The following ABCD3 variants were observed in gnomAD, a reference collection of about 807,000 sequenced individuals.
ABCD3 encodes the protein ATP-binding cassette sub-family D member 3.
Under a neutral mutation model 105.5 loss-of-function variants are expected in ABCD3, and 41 were observed. The ratio of observed to expected loss-of-function variants is 0.39; its 90% CI spans 0.30 to 0.50. ABCD3 has a LOEUF of 0.50. Among genes scored for constraint, ABCD3 ranks in the 20% least tolerant of loss-of-function variants. The probability of loss-of-function intolerance (pLI) is 0.84; values close to 1 mark genes in which losing one functional copy is unlikely to be tolerated. For missense variants in ABCD3, 622 were observed against 806.3 expected, an observed-to-expected ratio of 0.77 and a Z score of 2.77; for synonymous variants, 258 against 269.0, an observed-to-expected ratio of 0.96 and a Z score of 0.40.
At chr1:94,452,566 A>G (rs1647305583) in intron 1 of ABCD3, among the ~76,000 whole-genome samples, 1 of 152,230 alleles carries the variant, frequency 6.6e-6, no homozygotes, top group Non-Finnish European at 1.5e-5. Flanking sequence ...CATTATGTAC[A>G]TATTTATTTT....
chr1:94,414,983 G>A (rs563538503), upstream of ABCD3, among the ~76,000 whole-genome samples: 88 of 152,278 alleles, frequency 5.8e-4, no homozygotes, highest in African/African-American at 2.0e-3. Context: ...TGAGGATGGA[G>A]GATCTGCTTC....
Position 94,471,680 on chromosome 1 carries a change from C to T in ABCD3, c.336-2086C>T, listed in dbSNP as rs75080410. Among the ~76,000 whole-genome samples, 1,226 of 152,190 alleles carry T rather than the reference C, an allele frequency of 8.1e-3. 13 individuals are homozygous for T. The highest frequency in any genetic ancestry group is 0.028 in the African/African-American group (1,174 of 41,534). Reference sequence around the variant, plus strand: ...TCAAAAAAAGTTTTAAAATATTGTACATTCGTACAGGATAATTTTATTTGA... The same window carrying T: ...TCAAAAAAAGTTTTAAAATATTGTATATTCGTACAGGATAATTTTATTTGA... On this transcript the variant is annotated intron_variant, in intron 4 of 22. Transcript: ENST00000370214.
At chr1:94,455,855 G>T in intron 1 of ABCD3, 1 of 1,252,510 alleles carries the variant, frequency 8.0e-7, no homozygotes, top group African/African-American at 1.6e-5. Flanking sequence ...GCATCGTACT[G>T]CATGAATCTC....
chr1:94,425,819 G>C (rs1344601936), intron 1 of ABCD3, among the ~76,000 whole-genome samples: 1 of 152,122 alleles, frequency 6.6e-6, no homozygotes, highest in African/African-American at 2.4e-5. Context: ...GCAGCTACTT[G>C]ATCTTTATTA....
intron 1 of ABCD3, among the ~76,000 whole-genome samples, chr1:94,434,556 A>C (rs936962758): frequency 6.6e-6 from 1 of 152,176 alleles, no homozygotes; most frequent in Non-Finnish European, 1.5e-5. Context: ...CTACAGAGTC[A>C]CTAGGTGATA....
intron 1 of ABCD3, among the ~76,000 whole-genome samples, chr1:94,444,993 T>C (rs1341339282): frequency 6.6e-6 from 1 of 152,234 alleles, no homozygotes; most frequent in Admixed American, 6.5e-5. Context: ...AACAATAGCA[T>C]GAGCAATCTG....
At chr1:94,447,339 T>G (rs1290767846) in intron 1 of ABCD3, among the ~76,000 whole-genome samples, 1 of 152,220 alleles carries the variant, frequency 6.6e-6, no homozygotes, top group Non-Finnish European at 1.5e-5. Flanking sequence ...TTATACAACC[T>G]ATGGGAGCAT....
At chr1:94,483,333 A>G (rs1456212570) in intron 10 of ABCD3, 94 bp downstream of exon 10, 10 of 899,832 alleles carry the variant, frequency 1.1e-5, no homozygotes, top group Non-Finnish European at 1.9e-5. Context: ...ACACACACAC[A>G]AACACACACG....
intron 3 of ABCD3, among the ~76,000 whole-genome samples, chr1:94,466,211 G>A (rs971459407): frequency 1.3e-5 from 2 of 152,072 alleles, no homozygotes; most frequent in African/African-American, 4.8e-5. Context: ...CTGTGTGCAA[G>A]CATATATTTT....
intron 1 of ABCD3, among the ~76,000 whole-genome samples, chr1:94,456,735 A>C (rs1335183446): frequency 6.6e-6 from 1 of 152,068 alleles, no homozygotes; most frequent in Non-Finnish European, 1.5e-5. Context: ...TCTTTGAGAT[A>C]CTGATTTCAT....
At chr1:94,437,691 C>G (rs186219254) in intron 1 of ABCD3, among the ~76,000 whole-genome samples, 73 of 152,278 alleles carry the variant, frequency 4.8e-4, no homozygotes, top group African/African-American at 1.6e-3. Context: ...TATTATTTAA[C>G]AAATACATTT....
chr1:94,501,375 T>G (rs1313776752), intron 20 of ABCD3, among the ~76,000 whole-genome samples: 1 of 152,050 alleles, frequency 6.6e-6, no homozygotes, highest in Non-Finnish European at 1.5e-5. Flanking sequence ...CAAGCCATTG[T>G]CTAGAGAATT....
intron 1 of ABCD3, among the ~76,000 whole-genome samples, chr1:94,443,006 G>A (rs1170706147): frequency 3.7e-4 from 56 of 152,126 alleles, no homozygotes; most frequent in Admixed American, 3.7e-3. Flanking sequence ...TGGATGGAAT[G>A]GTAGTTCTGT....
At chr1:94,455,899 TTAG>T (rs1647531885) in intron 1 of ABCD3, 3 of 1,170,764 alleles carry the variant, frequency 2.6e-6, no homozygotes, top group South Asian at 1.6e-5. Context: ...ATAACATTTA[TTAG>T]TGGTAAGCAG....
At chr1:94,447,066 A>G (rs1020483809) in intron 1 of ABCD3, among the ~76,000 whole-genome samples, 1 of 152,318 alleles carries the variant, frequency 6.6e-6, no homozygotes, top group East Asian at 1.9e-4. Context: ...AGTTCCTGCC[A>G]AGGTTTAGGA....
At chr1:94,448,078 T>A (rs1660426213) in intron 1 of ABCD3, among the ~76,000 whole-genome samples, 1 of 152,210 alleles carries the variant, frequency 6.6e-6, no homozygotes, top group Non-Finnish European at 1.5e-5. Context: ...TGCCAGTTTT[T>A]CCAACTCAGC....
intron 1 of ABCD3, among the ~76,000 whole-genome samples, chr1:94,435,798 T>C (rs1375417408): frequency 6.6e-6 from 1 of 152,246 alleles, no homozygotes; most frequent in Non-Finnish European, 1.5e-5. Context: ...CAAAATAATA[T>C]GTTAATTTCG....
chr1:94,502,856 A>C (rs1385062376), intron 20 of ABCD3, among the ~76,000 whole-genome samples: 1 of 152,148 alleles, frequency 6.6e-6, no homozygotes, highest in Non-Finnish European at 1.5e-5. Context: ...AAAGACAGCT[A>C]GTAAATGTTA....
chr1:94,452,163 TATATC>T (rs1647289696), intron 1 of ABCD3, among the ~76,000 whole-genome samples: 1 of 152,176 alleles, frequency 6.6e-6, no homozygotes, highest in Admixed American at 6.5e-5. Flanking sequence ...AATTAATTAT[TATATC>T]AGGACAACAG....
Sources: allele counts gnomAD v4.1 joint callset (sites outside exome capture counted in the v4.1 genomes callset), GRCh38; gene constraint gnomAD v4.1.1; transcripts MANE v1.5; gene names NCBI Gene and HGNC (gene_info 2026-07-23, HGNC 2026-07-21).